Variants in ELAPOR1 observed in about 807,000 individuals in gnomAD.
The protein encoded by ELAPOR1 is endosome/lysosome-associated apoptosis and autophagy regulator 1.
Under a neutral mutation model 119.7 loss-of-function variants are expected in ELAPOR1, and 77 were observed. The observed-to-expected ratio is 0.64, with a 90% CI of 0.54 to 0.78. ELAPOR1 has a LOEUF of 0.78. Among genes scored for constraint, ELAPOR1 ranks in the 30% least tolerant of loss-of-function variants. The pLI is 0.00. For missense variants in ELAPOR1, 1,115 were observed against 1,270.4 expected (o/e 0.88, Z 1.86); for synonymous variants, 481 against 487.2 (o/e 0.99, Z 0.17).
chr1:109,190,121 T>TAAAC (rs1467621571), intron 11 of ELAPOR1, among the ~76,000 whole-genome samples: 4 of 151,990 alleles, frequency 2.6e-5, no homozygotes, highest in East Asian at 3.9e-4. Context: ...TGTTTCCCAC[T>TAAAC]AAACAAACAA....
chr1:109,145,298 CT>C (rs1650107192), intron 1 of ELAPOR1, among the ~76,000 whole-genome samples: 1 of 152,132 alleles, frequency 6.6e-6, no homozygotes. Flanking sequence ...CATTTCTGTT[CT>C]TTAAAAATCA....
At chr1:109,137,533 A>G (rs973485667) in intron 1 of ELAPOR1, among the ~76,000 whole-genome samples, 9 of 145,176 alleles carry the variant, frequency 6.2e-5, no homozygotes, top group African/African-American at 2.3e-4. Context: ...ATTTTATTTT[A>G]TTTTATTTTT....
intron 3 of ELAPOR1, among the ~76,000 whole-genome samples, chr1:109,171,026 G>A (rs1463164697): frequency 2.0e-5 from 3 of 152,162 alleles, no homozygotes; most frequent in Non-Finnish European, 2.9e-5. Flanking sequence ...GGATGTCTGA[G>A]TTCTGAAGAA....
intron 1 of ELAPOR1, among the ~76,000 whole-genome samples, chr1:109,139,280 A>G (rs2100995568): frequency 6.6e-6 from 1 of 151,942 alleles, no homozygotes; most frequent in East Asian, 1.9e-4. Flanking sequence ...GGCTGTGGCT[A>G]CCATGAGCCA....
chr1:109,151,830 T>G (rs1650548203), intron 1 of ELAPOR1, among the ~76,000 whole-genome samples: 2 of 151,942 alleles, frequency 1.3e-5, no homozygotes, highest in South Asian at 4.2e-4. Flanking sequence ...GACTCTGCTA[T>G]ACCCAGCTCC....
At chr1:109,165,552 C>A (rs1212836277) in intron 3 of ELAPOR1, among the ~76,000 whole-genome samples, 1 of 149,962 alleles carries the variant, frequency 6.7e-6, no homozygotes, top group African/African-American at 2.5e-5. Context: ...CCATTGCACT[C>A]CAGCCTGGGC....
intron 11 of ELAPOR1, 91 bp from the exon 12 acceptor site, chr1:109,191,275 C>A: frequency 1.2e-6 from 1 of 833,608 alleles, no homozygotes; most frequent in Non-Finnish European, 2.0e-6. Flanking sequence ...GAACTTAACC[C>A]TGTCCCCCAG....
Position 109,200,098 on chromosome 1 carries a change from G to A in ELAPOR1, c.2668G>A (p.Gly890Ser), listed in dbSNP as rs750255692. ...GTGGCGAGAACCCAAGCTATGCTCT[G>A]GTGGCATTTCTCTGCCTGAGCAGAG... Reference protein sequence around the residue: ...YVWREPKLCSGGISLPEQRVT... With the variant: ...YVWREPKLCSSGISLPEQRVT... Residue 890 changes from glycine to serine, a missense_variant, in exon 20 of 22, where the codon GGT becomes AGT. Physicochemically the swap from Gly to Ser is moderately conservative, Grantham distance 56 (BLOSUM62 0). Transcript: ENST00000369939. 6.2e-7 allele frequency: 1 copy of A among 1,614,168 alleles called. No homozygotes were observed. The highest frequency in any genetic ancestry group is 8.5e-7 in the Non-Finnish European group (1 of 1,180,034).
At chr1:109,174,368 A>G (rs1556766) in intron 7 of ELAPOR1, among the ~76,000 whole-genome samples, 59,487 of 127,800 alleles carry the variant, frequency 0.47, 14,571 homozygotes, top group African/African-American at 0.64. Context: ...AGCCATGATC[A>G]CACCACTGCA....
At chr1:109,136,296 A>G (rs985536721) in intron 1 of ELAPOR1, among the ~76,000 whole-genome samples, 1 of 152,152 alleles carries the variant, frequency 6.6e-6, no homozygotes, top group Non-Finnish European at 1.5e-5. Context: ...GGAAGTTTGG[A>G]CAGAGACGAA....
At chr1:109,129,058 C>G (rs1257180194) in intron 1 of ELAPOR1, among the ~76,000 whole-genome samples, 1 of 151,302 alleles carries the variant, frequency 6.6e-6, no homozygotes, top group African/African-American at 2.5e-5. Context: ...GACAGATTGC[C>G]TCTGGGGCTC....
At chr1:109,126,102 C>A (rs1209531982) in intron 1 of ELAPOR1, among the ~76,000 whole-genome samples, 1 of 152,194 alleles carries the variant, frequency 6.6e-6, no homozygotes, top group African/African-American at 2.4e-5. Flanking sequence ...TTATACATTT[C>A]ATTAAGTGCT....
intron 1 of ELAPOR1, among the ~76,000 whole-genome samples, chr1:109,145,426 T>C (rs1290124): frequency 0.84 from 128,070 of 152,118 alleles, 54,137 homozygotes; most frequent in East Asian, 0.93. Context: ...GAGGCCGAGA[T>C]GGGCCTATCA....
chr1:109,139,771 AT>A (rs1184238063), intron 1 of ELAPOR1, among the ~76,000 whole-genome samples: 4 of 151,722 alleles, frequency 2.6e-5, no homozygotes, highest in East Asian at 3.9e-4. Context: ...TATTTATAGC[AT>A]TTTTTTTCCT....
At chr1:109,202,034 A>G (rs1654201721) in intron 21 of ELAPOR1, among the ~76,000 whole-genome samples, 1 of 152,206 alleles carries the variant, frequency 6.6e-6, no homozygotes, top group Non-Finnish European at 1.5e-5. Flanking sequence ...CAGGAGTTGG[A>G]GGCTGCACTG....
chr1:109,123,960 G>A (rs1168863473), intron 1 of ELAPOR1, among the ~76,000 whole-genome samples: 2 of 151,614 alleles, frequency 1.3e-5, no homozygotes, highest in Admixed American at 6.6e-5. Flanking sequence ...GGGCCACCAC[G>A]CCCAGCTAAT....
chr1:109,124,738 C>T (rs560254578), intron 1 of ELAPOR1, among the ~76,000 whole-genome samples: 14 of 152,280 alleles, frequency 9.2e-5, no homozygotes, highest in African/African-American at 3.1e-4. Context: ...TCCTTTAAAA[C>T]TTTCATAAAT....
At chr1:109,155,321 A>G (rs902949166) in intron 1 of ELAPOR1, among the ~76,000 whole-genome samples, 2 of 151,702 alleles carry the variant, frequency 1.3e-5, no homozygotes, top group East Asian at 1.9e-4. Context: ...GACTACAGGC[A>G]CCCACCATCA....
At chr1:109,116,094 A>G (rs1383402616) in intron 1 of ELAPOR1, among the ~76,000 whole-genome samples, 1 of 152,214 alleles carries the variant, frequency 6.6e-6, no homozygotes, top group Non-Finnish European at 1.5e-5. Flanking sequence ...AAGCACTTCT[A>G]TTATCTTGGT....
Sources: gnomAD v4.1 joint callset for allele counts (sites outside exome capture counted in the v4.1 genomes callset) on GRCh38, gnomAD v4.1.1 for gene constraint, MANE v1.5 for transcripts, NCBI Gene and HGNC (gene_info 2026-07-23, HGNC 2026-07-21) for gene names.